CNTNAP2: variants seen among roughly 807,000 people sequenced by gnomAD.
CNTNAP2 encodes contactin associated protein 2.
Under a neutral mutation model 155.2 loss-of-function variants are expected in CNTNAP2, and 98 were observed. That is an observed-to-expected ratio of 0.63 (90% CI 0.54 to 0.75). The LOEUF (loss-of-function observed/expected upper bound fraction) is 0.75, where lower values mean the gene tolerates loss of function less well. Among genes scored for constraint, CNTNAP2 ranks in the 30% least tolerant of loss-of-function variants. The pLI is 0.00. For synonymous variants in CNTNAP2, 651 were observed against 631.2 expected (o/e 1.03, Z -0.47); for missense variants, 1,727 against 1,688.1 (o/e 1.02, Z -0.40).
At chr7:146,900,356 C>G (rs1016045568) in intron 3 of CNTNAP2, among the ~76,000 whole-genome samples, 2 of 152,166 alleles carry the variant, frequency 1.3e-5, no homozygotes, top group African/African-American at 4.8e-5. Flanking sequence ...GAATAATTTT[C>G]TAAATAGCCT....
At chr7:146,264,421 A>G (rs1192440228) in intron 1 of CNTNAP2, among the ~76,000 whole-genome samples, 6 of 152,086 alleles carry the variant, frequency 3.9e-5, no homozygotes, top group Non-Finnish European at 7.4e-5. Flanking sequence ...ACTGCACTCC[A>G]GCCTGGGCAA....
Position 147,447,145 on chromosome 7 carries a change from G to A in CNTNAP2, c.1671-38790G>A, listed in dbSNP as rs562144006. Reference sequence around the variant, plus strand: ...TTCAGCTGTGAACTAGATAAGGGGCGCTTATTTCAACCATGATGGAGCTAG... The same window carrying A: ...TTCAGCTGTGAACTAGATAAGGGGCACTTATTTCAACCATGATGGAGCTAG... On this transcript the variant is annotated intron_variant, in intron 10 of 23. Transcript: ENST00000361727. Among the ~76,000 whole-genome samples the A allele has an allele frequency of 4.6e-5, 7 of 152,186 alleles. No individual in the cohort carries two copies. In the East Asian group the frequency reaches 7.7e-4, roughly 17 times the overall value.
At chr7:147,727,897 G>A (rs1330527648) in intron 13 of CNTNAP2, among the ~76,000 whole-genome samples, 1 of 151,964 alleles carries the variant, frequency 6.6e-6, no homozygotes, top group African/African-American at 2.4e-5. Flanking sequence ...TAATATTGGT[G>A]GTAGATTGCA....
intron 15 of CNTNAP2, among the ~76,000 whole-genome samples, chr7:148,095,706 G>T (rs558790550): frequency 2.0e-5 from 3 of 152,186 alleles, no homozygotes; most frequent in Non-Finnish European, 2.9e-5. Flanking sequence ...CACAAAAAGA[G>T]CACCATCGGG....
At chr7:146,930,114 A>G (rs931438346) in intron 3 of CNTNAP2, among the ~76,000 whole-genome samples, 39 of 152,134 alleles carry the variant, frequency 2.6e-4, no homozygotes, top group Non-Finnish European at 8.8e-5. Context: ...CCTCGAGAAG[A>G]GCAACTCCAA....
At chr7:147,830,319 C>T (rs1798527291) in intron 13 of CNTNAP2, among the ~76,000 whole-genome samples, 1 of 152,028 alleles carries the variant, frequency 6.6e-6, no homozygotes, top group Non-Finnish European at 1.5e-5. Context: ...CTCTTTCTAG[C>T]TGTGACTTTT....
At chr7:147,454,410 T>C (rs1267416489) in intron 10 of CNTNAP2, among the ~76,000 whole-genome samples, 1 of 152,332 alleles carries the variant, frequency 6.6e-6, no homozygotes, top group East Asian at 1.9e-4. Flanking sequence ...TACTGTATTA[T>C]ACAGTATTTT....
At chr7:147,897,353 A>C (rs1252395235) in intron 13 of CNTNAP2, among the ~76,000 whole-genome samples, 1 of 152,270 alleles carries the variant, frequency 6.6e-6, no homozygotes, top group South Asian at 2.1e-4. Context: ...TGGTTATTTG[A>C]GGTATGGGCA....
chr7:148,116,152 A>G (rs2116605243), intron 15 of CNTNAP2, among the ~76,000 whole-genome samples: 1 of 152,062 alleles, frequency 6.6e-6, no homozygotes, highest in East Asian at 1.9e-4. Context: ...AAAAAAAAAA[A>G]GAAGAAGCTT....
In CNTNAP2 at chr7:148,061,920, T is replaced by TATAGATAGATAGATAG. The variant is rs112163050; in HGVS notation, c.2384-56186_2384-56171dup. ...ATAGATAGATAGATAGATAAACAGA[T>TATAGATAGATAGATAG]ATAGATAGATAGATAGATAGATAGA... On this transcript the variant is annotated intron_variant, in intron 15 of 23. Transcript: ENST00000361727. Among the ~76,000 whole-genome samples, 410 of 125,352 alleles carry TATAGATAGATAGATAG rather than the reference T, an allele frequency of 3.3e-3. 14 individuals carry two copies. The highest frequency in any genetic ancestry group is 0.019 in the Middle Eastern group (5 of 262). The allele number at this position is 125,352 out of a possible 152,430, so 82.2% of individuals were successfully genotyped here.
rs577786627 is a variant in CNTNAP2, at chr7:148,230,472, T to C, written c.3381+693T>C. Among the ~76,000 whole-genome samples, 269 of 152,272 alleles carry C rather than the reference T, an allele frequency of 1.8e-3. 2 individuals carry two copies. Among genetic ancestry groups the C allele is most frequent in the African/African-American group, 6.2e-3 (259 of 41,550 alleles). ...ATCAAGGATGGGAACTGTCACTGCA[T>C]TCTCTAGAAGGAGTTCAAAATAGAT... On this transcript the variant is annotated intron_variant, in intron 20 of 23. Coordinates refer to ENST00000361727, the MANE Select transcript of CNTNAP2 (RefSeq NM_014141.6).
intron 1 of CNTNAP2, among the ~76,000 whole-genome samples, chr7:146,396,421 A>G (rs1406473438): frequency 2.6e-5 from 4 of 152,012 alleles, no homozygotes; most frequent in Non-Finnish European, 5.9e-5. Context: ...TTTTTATTTT[A>G]TTATTTCAAT....
At position 147,104,149 on chromosome 7, in the gene CNTNAP2, G is replaced by A. The variant is rs143334707; in HGVS notation, c.551-3998G>A. Among the ~76,000 whole-genome samples the A allele has an allele frequency of 7.4e-3, 1,120 of 152,106 alleles. 12 individuals carry two copies. Among genetic ancestry groups the A allele is most frequent in the African/African-American group, 0.025 (1,054 of 41,536 alleles). On this transcript the variant is annotated intron_variant, in intron 4 of 23. Coordinates refer to ENST00000361727, the MANE Select transcript of CNTNAP2 (RefSeq NM_014141.6). ...AAATGTTAATATTAGAGGAAGCTGGGTGAAACATATGAGAATTCTATCTTT... is the reference window on the plus strand; with the variant it reads ...AAATGTTAATATTAGAGGAAGCTGGATGAAACATATGAGAATTCTATCTTT...
chr7:146,926,322 T>C (rs1796608804), intron 3 of CNTNAP2, among the ~76,000 whole-genome samples: 2 of 152,106 alleles, frequency 1.3e-5, no homozygotes, highest in Admixed American at 1.3e-4. Context: ...GATACTCTTC[T>C]CCTCTAACAG....
At chr7:147,629,009 T>C (rs1468720885) in intron 12 of CNTNAP2, among the ~76,000 whole-genome samples, 1 of 151,816 alleles carries the variant, frequency 6.6e-6, no homozygotes, top group Non-Finnish European at 1.5e-5. Flanking sequence ...TTACCAGACC[T>C]AAGATGTGAG....
At chr7:147,868,858 T>C (rs1228193664) in intron 13 of CNTNAP2, among the ~76,000 whole-genome samples, 1 of 152,246 alleles carries the variant, frequency 6.6e-6, no homozygotes, top group African/African-American at 2.4e-5. Context: ...AGTGTCCTAT[T>C]TTTCCAGGTA....
intron 1 of CNTNAP2, among the ~76,000 whole-genome samples, chr7:146,363,026 C>T (rs951479486): frequency 2.0e-5 from 3 of 152,054 alleles, no homozygotes; most frequent in Non-Finnish European, 4.4e-5. Context: ...GCCTCGACCT[C>T]CCAAAGTGCT....
At chr7:147,346,045 A>G (rs542761537) in intron 9 of CNTNAP2, among the ~76,000 whole-genome samples, 78 of 152,294 alleles carry the variant, frequency 5.1e-4, no homozygotes, top group African/African-American at 1.5e-3. Context: ...TGCAAAACGT[A>G]TTACATTTCT....
At chr7:146,417,830 A>G (rs1253489921) in intron 1 of CNTNAP2, among the ~76,000 whole-genome samples, 1 of 152,200 alleles carries the variant, frequency 6.6e-6, no homozygotes, top group African/African-American at 2.4e-5. Context: ...GTCATCACAT[A>G]AATCATAAAC....
Sources: gnomAD v4.1 joint callset for allele counts (sites outside exome capture counted in the v4.1 genomes callset) on GRCh38, gnomAD v4.1.1 for gene constraint, MANE v1.5 for transcripts, NCBI Gene and HGNC (gene_info 2026-07-23, HGNC 2026-07-21) for gene names.